XPNPEP3: variants seen among roughly 807,000 people sequenced by gnomAD.
XPNPEP3 encodes X-prolyl aminopeptidase 3.
In XPNPEP3, 41 loss-of-function variants were observed where a neutral mutation model predicts 60.0. The ratio of observed to expected loss-of-function variants is 0.68; its 90% CI spans 0.53 to 0.89. The LOEUF is 0.89. XPNPEP3 is among the 40% of genes least tolerant of loss of function. The pLI, the probability that XPNPEP3 is intolerant of heterozygous loss-of-function variation, is 0.00. For missense variants in XPNPEP3, 598 were observed against 638.9 expected (o/e 0.94, Z 0.69); for synonymous variants, 212 against 223.2 (o/e 0.95, Z 0.45).
At position 40,916,628 on chromosome 22, in the gene XPNPEP3, G is replaced by A. The variant is rs1036872824; in HGVS notation, c.1055+2304G>A. On this transcript the variant is annotated intron_variant, in intron 7 of 9. Transcript: ENST00000357137. ...CCCAAAATCTAGACTGATAAACTCTGTATGTCAAGCAGCCTGGATTCTTTA... is the reference window on the plus strand; with the variant it reads ...CCCAAAATCTAGACTGATAAACTCTATATGTCAAGCAGCCTGGATTCTTTA... 5.3e-5 allele frequency among the ~76,000 whole-genome samples: 8 copies of A among 152,166 alleles called. No homozygotes were observed. The East Asian group carries it at 5.8e-4, about 11-fold the overall frequency.
chr22:40,860,985 A>G (rs2057940730), intron 1 of XPNPEP3: 3 of 1,336,746 alleles, frequency 2.2e-6, no homozygotes, highest in Non-Finnish European at 3.1e-6. Context: ...TTAGTATAGT[A>G]TTAAGTGTTA....
At chr22:40,918,671 G>A (rs1257843279) in intron 7 of XPNPEP3, among the ~76,000 whole-genome samples, 1 of 151,456 alleles carries the variant, frequency 6.6e-6, no homozygotes, top group Non-Finnish European at 1.5e-5. Context: ...GCAACAGAAC[G>A]AGACTCCATC....
chr22:40,884,750 G>A (rs975329165), intron 3 of XPNPEP3, among the ~76,000 whole-genome samples: 1 of 151,822 alleles, frequency 6.6e-6, no homozygotes, highest in African/African-American at 2.4e-5. Flanking sequence ...AATTGGCCGG[G>A]TGCAGTGGCT....
Position 40,924,572 on chromosome 22 carries a change from G to A in XPNPEP3, c.1357+90G>A, listed in dbSNP as rs534830564. 1.4e-5 allele frequency: 22 copies of A among 1,543,954 alleles called. 1 individual carries two copies. In the South Asian group the frequency reaches 2.2e-4, roughly 16 times the overall value. ...GGAGTTTTGCTCTTTCGCCCAGGCTGGAGTGAAGTGGTGTGATCTTCACTC... is the reference window on the plus strand; with the variant it reads ...GGAGTTTTGCTCTTTCGCCCAGGCTAGAGTGAAGTGGTGTGATCTTCACTC... On this transcript the variant is annotated intron_variant, in intron 9 of 9. Transcript: ENST00000357137.
In XPNPEP3 at chr22:40,907,660, G is replaced by A. The variant is rs1214971977; in HGVS notation, c.855+11G>A. 4 of 1,612,378 alleles carry A rather than the reference G, an allele frequency of 2.5e-6. No individual in the cohort carries two copies. The Admixed American group carries it at 5.0e-5, about 20-fold the overall frequency. On this transcript the variant is annotated intron_variant, in intron 5 of 9. Coordinates refer to ENST00000357137, the MANE Select transcript of XPNPEP3 (RefSeq NM_022098.4). ...TTTCTTTATGCTAAGGTGAGATTCA[G>A]ATGGTTAGCTTCACCATCTTGTTGG...
chr22:40,921,052 A>G (rs1601521418), intron 7 of XPNPEP3, among the ~76,000 whole-genome samples: 1 of 152,224 alleles, frequency 6.6e-6, no homozygotes, highest in East Asian at 1.9e-4. Context: ...TCGGCCTCCC[A>G]AAGTGTTGGG....
chr22:40,878,656 A>T (rs2058036518), intron 2 of XPNPEP3, among the ~76,000 whole-genome samples: 1 of 151,134 alleles, frequency 6.6e-6, no homozygotes, highest in Admixed American at 6.6e-5. Flanking sequence ...GTGTGATCTC[A>T]GCTCACTGCA....
In XPNPEP3 at chr22:40,886,423, C is replaced by T. The variant is rs372494628; in HGVS notation, c.700C>T (p.Arg234Trp). ...EAKAKSKNKVRGVQQLIQRLR... is the reference protein window; with the variant it reads ...EAKAKSKNKVWGVQQLIQRLR... ...CAAAGCCAAGAGCAAGAACAAGGTTCGGGGTGTTCAGCAGCTGATACAGCG... is the reference window on the plus strand; with the variant it reads ...CAAAGCCAAGAGCAAGAACAAGGTTTGGGGTGTTCAGCAGCTGATACAGCG... Residue 234 changes from arginine (R) to tryptophan (W), a missense_variant, in exon 4 of 10, where the codon CGG becomes TGG. Coordinates refer to ENST00000357137, the MANE Select transcript of XPNPEP3 (RefSeq NM_022098.4). 9 of 1,614,040 alleles carry T rather than the reference C, an allele frequency of 5.6e-6. No individual in the cohort carries two copies. Among genetic ancestry groups the T allele is most frequent in the Admixed American group, 5.0e-5 (3 of 59,986 alleles).
Position 40,860,719 on chromosome 22 carries a change from C to G in XPNPEP3, c.64+3474C>G, listed in dbSNP as rs756088018. 5.0e-5 allele frequency: 46 copies of G among 919,476 alleles called. No individual in the cohort carries two copies. In the South Asian group the frequency reaches 7.4e-4, roughly 15 times the overall value. 57.0% of individuals were successfully genotyped at this position (919,476 alleles called of 1,614,324 possible). A position where few individuals can be genotyped will look rare whatever the true frequency, so the allele number is the denominator to read the frequency against. Reference sequence around the variant, plus strand: ...CCAAGCTGGAGTGCAGTGGCGTGATCCCATTACACTGCAACCTATGTCTTC... The same window carrying G: ...CCAAGCTGGAGTGCAGTGGCGTGATGCCATTACACTGCAACCTATGTCTTC... On this transcript the variant is annotated intron_variant, in intron 1 of 9. Transcript: ENST00000357137.
chr22:40,895,342 C>CT (rs67052516), intron 4 of XPNPEP3, among the ~76,000 whole-genome samples: 5,469 of 145,782 alleles, frequency 0.038, 128 homozygotes, highest in Non-Finnish European at 0.06. Context: ...CTTTTCTTTT[C>CT]TTTTTTTTTT....
chr22:40,866,553 C>T (rs1345876494), intron 1 of XPNPEP3, among the ~76,000 whole-genome samples: 1 of 152,242 alleles, frequency 6.6e-6, no homozygotes, highest in Admixed American at 6.5e-5. Flanking sequence ...CGGGGTTCTT[C>T]AAGTAGCTTA....
At chr22:40,874,412 T>C (rs1292126395) in intron 2 of XPNPEP3, among the ~76,000 whole-genome samples, 10 of 150,532 alleles carry the variant, frequency 6.6e-5, no homozygotes, top group African/African-American at 2.5e-4. Context: ...AAGGGAGGGC[T>C]TAGAACATGT....
At chr22:40,888,903 A>G (rs2058078874) in intron 4 of XPNPEP3, among the ~76,000 whole-genome samples, 1 of 152,178 alleles carries the variant, frequency 6.6e-6, no homozygotes, top group Non-Finnish European at 1.5e-5. Flanking sequence ...GGCAATAGCC[A>G]ATCCTAATGT....
chr22:40,899,919 C>T (rs1018785782), intron 4 of XPNPEP3, among the ~76,000 whole-genome samples: 2 of 151,836 alleles, frequency 1.3e-5, no homozygotes, highest in Non-Finnish European at 2.9e-5. Flanking sequence ...GCCTGTAATC[C>T]CGAATACTCG....
intron 4 of XPNPEP3, among the ~76,000 whole-genome samples, chr22:40,903,035 C>T (rs1241334158): frequency 6.6e-6 from 1 of 152,140 alleles, no homozygotes; most frequent in Non-Finnish European, 1.5e-5. Context: ...ATGGTAAAGC[C>T]CTCTGACGAG....
intron 4 of XPNPEP3, among the ~76,000 whole-genome samples, chr22:40,890,597 T>G (rs963857777): frequency 1.3e-5 from 2 of 152,064 alleles, no homozygotes; most frequent in Admixed American, 1.3e-4. Context: ...CTGGATGCAG[T>G]GGCTCACGCC....
At chr22:40,865,244 G>C (rs1234813473) in intron 1 of XPNPEP3, among the ~76,000 whole-genome samples, 1 of 151,302 alleles carries the variant, frequency 6.6e-6, no homozygotes, top group African/African-American at 2.4e-5. Flanking sequence ...GGTCTCCAGT[G>C]ATTGATGTTA....
rs186987651 is a variant in XPNPEP3, at chr22:40,914,121, A to C, written c.970-118A>C. 4 of 845,050 alleles carry C rather than the reference A, an allele frequency of 4.7e-6. No homozygotes were observed. In the Admixed American group the frequency reaches 6.0e-5, roughly 13 times the overall value. 52.3% of individuals were successfully genotyped at this position (845,050 alleles called of 1,614,324 possible). A position where few individuals can be genotyped will look rare whatever the true frequency, so the allele number is the denominator to read the frequency against. On this transcript the variant is annotated intron_variant, in intron 6 of 9. Coordinates refer to ENST00000357137, the MANE Select transcript of XPNPEP3 (RefSeq NM_022098.4). ...CACACCATTGCACTCCAACCTGGGCAACAAGAGTGAAACTCCGTCTCAGAA... is the reference window on the plus strand; with the variant it reads ...CACACCATTGCACTCCAACCTGGGCCACAAGAGTGAAACTCCGTCTCAGAA...
At chr22:40,878,137 C>T (rs1226867206) in intron 2 of XPNPEP3, among the ~76,000 whole-genome samples, 2 of 149,720 alleles carry the variant, frequency 1.3e-5, no homozygotes, top group South Asian at 2.1e-4. Context: ...ACCTGGGAGG[C>T]GGAGGTTGCA....
Sources: gnomAD v4.1 joint callset for allele counts (sites outside exome capture counted in the v4.1 genomes callset) on GRCh38, gnomAD v4.1.1 for gene constraint, MANE v1.5 for transcripts, NCBI Gene and HGNC (gene_info 2026-07-23, HGNC 2026-07-21) for gene names.